Variants in SLC20A2 observed in about 807,000 individuals in gnomAD.
SLC20A2 encodes the protein sodium-dependent phosphate transporter 2.
Under a neutral mutation model 61.0 loss-of-function variants are expected in SLC20A2, and 30 were observed. The observed-to-expected ratio is 0.49, with a 90% CI of 0.37 to 0.67. SLC20A2 has a LOEUF of 0.67. Among genes scored for constraint, SLC20A2 ranks in the 30% least tolerant of loss-of-function variants. The pLI, the probability that SLC20A2 is intolerant of heterozygous loss-of-function variation, is 0.00. For missense variants in SLC20A2, 626 were observed against 866.4 expected (o/e 0.72, Z 3.48); for synonymous variants, 351 against 353.3 (o/e 0.99, Z 0.07).
chr8:42,432,389 G>C (rs574470957), intron 8 of SLC20A2, among the ~76,000 whole-genome samples: 1 of 152,340 alleles, frequency 6.6e-6, no homozygotes, highest in South Asian at 2.1e-4. Flanking sequence ...ATGAGGAGGT[G>C]CTTCTTATGG....
chr8:42,519,919 G>GTT (rs1271871530), intron 1 of SLC20A2, among the ~76,000 whole-genome samples: 1 of 151,414 alleles, frequency 6.6e-6, no homozygotes, highest in African/African-American at 2.4e-5. Context: ...GAAAACAAAA[G>GTT]TGCCAGTGGT....
intron 1 of SLC20A2, among the ~76,000 whole-genome samples, chr8:42,525,310 G>A (rs1477897043): frequency 6.6e-6 from 1 of 151,966 alleles, no homozygotes; most frequent in African/African-American, 2.4e-5. Context: ...GGCTGGGCAC[G>A]GTGGCTCACC....
chr8:42,518,191 C>T (rs1811434294), intron 1 of SLC20A2, among the ~76,000 whole-genome samples: 1 of 152,210 alleles, frequency 6.6e-6, no homozygotes, highest in South Asian at 2.1e-4. Context: ...CCGCACACCT[C>T]AGCCTCCCAA....
intron 3 of SLC20A2, 65 bp downstream of exon 3, chr8:42,465,712 G>T: frequency 2.0e-5 from 26 of 1,331,738 alleles, no homozygotes; most frequent in Non-Finnish European, 2.1e-5. Flanking sequence ...AAAGTAACTT[G>T]TAATAAAACT....
intron 8 of SLC20A2, among the ~76,000 whole-genome samples, chr8:42,433,242 G>C (rs911493093): frequency 6.6e-6 from 1 of 152,086 alleles, no homozygotes; most frequent in Non-Finnish European, 1.5e-5. Flanking sequence ...GCCCCTCCCC[G>C]CAGCTAATGG....
chr8:42,537,495 G>T (rs1812785281), intron 1 of SLC20A2: 1 of 151,832 alleles, frequency 6.6e-6, no homozygotes. Context: ...AATCTGGTAA[G>T]TGTTTAAAAA....
chr8:42,446,827 A>T (rs1028537287), intron 5 of SLC20A2, among the ~76,000 whole-genome samples: 2 of 152,156 alleles, frequency 1.3e-5, no homozygotes, highest in Non-Finnish European at 2.9e-5. Context: ...ATACAATAAG[A>T]TAAGGATCTG....
intron 10 of SLC20A2, among the ~76,000 whole-genome samples, chr8:42,426,609 T>C (rs1803430643): frequency 1.3e-5 from 2 of 152,088 alleles, no homozygotes; most frequent in Admixed American, 6.5e-5. Flanking sequence ...GCAGGAGAAC[T>C]GCTTGAACTC....
intron 10 of SLC20A2, among the ~76,000 whole-genome samples, chr8:42,423,871 G>A (rs773467718): frequency 2.3e-4 from 35 of 152,210 alleles, no homozygotes; most frequent in Non-Finnish European, 3.7e-4. Context: ...CCAGTTTAAG[G>A]CCATCATCAG....
At chr8:42,432,161 A>T (rs1803918977) in intron 8 of SLC20A2, among the ~76,000 whole-genome samples, 1 of 152,248 alleles carries the variant, frequency 6.6e-6, no homozygotes, top group Non-Finnish European at 1.5e-5. Flanking sequence ...CCCATTCCAG[A>T]TGCCATTAGA....
At chr8:42,469,375 T>C (rs1349903505) in intron 2 of SLC20A2, among the ~76,000 whole-genome samples, 1 of 152,110 alleles carries the variant, frequency 6.6e-6, no homozygotes, top group Non-Finnish European at 1.5e-5. Flanking sequence ...ATCAAGTTAT[T>C]CAAGCAAAAC....
At position 42,512,806 on chromosome 8, in the gene SLC20A2, G is replaced by A. The variant is rs374721541; in HGVS notation, c.-265+29015C>T. 5.9e-5 allele frequency among the ~76,000 whole-genome samples: 9 copies of A among 152,314 alleles called. No homozygotes were observed. In the South Asian group the frequency reaches 1.5e-3, roughly 25 times the overall value. The stretch of plus-strand genomic sequence containing the variant: ...AGCTAGTTAGACAAAGAGCATTCAA[G>A]TTGTTCATACACAGCAGATCAGAAC... On this transcript the variant is annotated intron_variant, in intron 1 of 10. Coordinates refer to the SLC20A2 transcript ENST00000342228.
At chr8:42,435,676 C>A (rs1245786016) in intron 8 of SLC20A2, among the ~76,000 whole-genome samples, 1 of 152,150 alleles carries the variant, frequency 6.6e-6, no homozygotes, top group Non-Finnish European at 1.5e-5. Context: ...ATCTGCCCAT[C>A]CCTACACACT....
chr8:42,474,294 G>A (rs1427703595), intron 1 of SLC20A2, among the ~76,000 whole-genome samples: 1 of 152,146 alleles, frequency 6.6e-6, no homozygotes, highest in Non-Finnish European at 1.5e-5. Flanking sequence ...TGTATACTGT[G>A]GTTACATGCT....
intron 1 of SLC20A2, among the ~76,000 whole-genome samples, chr8:42,510,199 A>T (rs1402969441): frequency 6.6e-6 from 1 of 152,196 alleles, no homozygotes; most frequent in South Asian, 2.1e-4. Context: ...GGATTATACT[A>T]AAAACAAAAA....
intron 3 of SLC20A2, among the ~76,000 whole-genome samples, chr8:42,464,397 C>T (rs1015956232): frequency 8.0e-5 from 12 of 150,818 alleles, no homozygotes; most frequent in African/African-American, 2.9e-4. Flanking sequence ...GATGGAATTA[C>T]AGGCCTGAGC....
chr8:42,428,644 G>A, intron 10 of SLC20A2, 114 bp downstream of exon 10: 1 of 805,090 alleles, frequency 1.2e-6, no homozygotes, highest in Non-Finnish European at 1.9e-6. Context: ...AGAACCTGGA[G>A]CTGCATTTTG....
chr8:42,540,599 A>G (rs1813042631), intron 1 of SLC20A2, among the ~76,000 whole-genome samples: 1 of 152,268 alleles, frequency 6.6e-6, no homozygotes, highest in South Asian at 2.1e-4. Flanking sequence ...GACGAAGGTG[A>G]GTTTAATTGT....
At chr8:42,470,086 A>G (rs1185505032) in intron 2 of SLC20A2, among the ~76,000 whole-genome samples, 2 of 152,190 alleles carry the variant, frequency 1.3e-5, no homozygotes, top group East Asian at 3.8e-4. Context: ...TGAATTTTAC[A>G]AAGAACGGTT....
Sources: allele counts gnomAD v4.1 joint callset (sites outside exome capture counted in the v4.1 genomes callset), GRCh38; gene constraint gnomAD v4.1.1; transcripts MANE v1.5; gene names NCBI Gene and HGNC (gene_info 2026-07-23, HGNC 2026-07-21).